Variants in ZBED6 observed in about 807,000 individuals in gnomAD.
ZBED6 encodes the protein zinc finger BED-type containing 6.
Under a neutral mutation model 58.4 loss-of-function variants are expected in ZBED6, and 40 were observed. That is an observed-to-expected ratio of 0.68 (90% confidence interval 0.53 to 0.89). The LOEUF is 0.89. ZBED6 is among the 40% of genes least tolerant of loss of function. The probability of loss-of-function intolerance (pLI) is 0.00; values close to 1 mark genes in which losing one functional copy is unlikely to be tolerated. For missense variants in ZBED6, 1,057 were observed against 1,003.9 expected, an observed-to-expected ratio of 1.05 and a Z score of -0.71; for synonymous variants, 439 against 350.6, an observed-to-expected ratio of 1.25 and a Z score of -2.82.
At chr1:203,831,607 G>C (rs2275325) in intron 7 of ZBED6, 54 bp from the exon 8 acceptor site, 414,726 of 1,503,540 alleles carry the variant, frequency 0.28, 58,617 homozygotes, top group Admixed American at 0.38. Flanking sequence ...TTTTGACTTG[G>C]GATAGCATTA....
intron 1 of ZBED6, among the ~76,000 whole-genome samples, chr1:203,808,555 A>G (rs1673147831): frequency 6.6e-6 from 1 of 152,002 alleles, no homozygotes; most frequent in Non-Finnish European, 1.5e-5. Flanking sequence ...CCTTTTTAGG[A>G]TTTCTATTTA....
chr1:203,829,391 T>G (rs1681548504), intron 4 of ZBED6, 60 bp from the exon 5 acceptor site: 1 of 1,574,258 alleles, frequency 6.4e-7, no homozygotes, highest in East Asian at 2.2e-5. Flanking sequence ...GGTCAGGAAT[T>G]TTTGGTAAGT....
intron 11 of ZBED6, 83 bp from the exon 12 acceptor site, chr1:203,847,101 T>C: frequency 6.8e-7 from 1 of 1,465,562 alleles, no homozygotes; most frequent in Non-Finnish European, 9.4e-7. Flanking sequence ...TGTTGGACTG[T>C]CTTGATCCAA....
At chr1:203,845,796 G>A (rs1421531357) in intron 11 of ZBED6, among the ~76,000 whole-genome samples, 1 of 152,080 alleles carries the variant, frequency 6.6e-6, no homozygotes, top group Non-Finnish European at 1.5e-5. Context: ...CCCAGGAGAT[G>A]TAGGTTGCGG....
chr1:203,795,809 T>G (rs1363774150), exon 1 of ZBED6: 1 of 152,096 alleles, frequency 6.6e-6, no homozygotes, highest in Admixed American at 6.5e-5. Flanking sequence ...CTAGACCCGT[T>G]TTTTTGATTC....
chr1:203,821,442 A>T (rs759639592), intron 3 of ZBED6, among the ~76,000 whole-genome samples: 2 of 151,926 alleles, frequency 1.3e-5, no homozygotes, highest in Non-Finnish European at 2.9e-5. Flanking sequence ...TTATGCTCCG[A>T]TTGACCCAGA....
At chr1:203,824,053 G>C (rs1447283656) in intron 3 of ZBED6, among the ~76,000 whole-genome samples, 1 of 152,016 alleles carries the variant, frequency 6.6e-6, no homozygotes, top group Non-Finnish European at 1.5e-5. Flanking sequence ...TGGATCACCT[G>C]AGGTCAGGAG....
intron 9 of ZBED6, among the ~76,000 whole-genome samples, chr1:203,837,623 T>C (rs1371190229): frequency 6.6e-6 from 1 of 152,022 alleles, no homozygotes; most frequent in Non-Finnish European, 1.5e-5. Flanking sequence ...CACAGGTGTG[T>C]GCCACCATGC....
exon 17 of ZBED6, chr1:203,853,288 T>C (rs1689635893): frequency 6.5e-6 from 1 of 152,680 alleles, no homozygotes; most frequent in African/African-American, 2.4e-5. Flanking sequence ...CCAGTATTTG[T>C]TTGGTGGCCT....
chr1:203,828,499 C>A, intron 4 of ZBED6, 77 bp downstream of exon 4: 1 of 1,497,564 alleles, frequency 6.7e-7, no homozygotes, highest in Non-Finnish European at 9.1e-7. Context: ...ACTTTTCAGA[C>A]ATTGACTCCT....
rs562291770 is a variant in ZBED6 at position 203,797,791 on chromosome 1, G to A, written c.269G>A (p.Gly90Glu). The stretch of plus-strand genomic sequence containing the variant: ...GCCAAAAAGTTTAGTAAGGATTTGG[G>A]ATCTGGGAGGCCTGTTGCAGATGCC... Residue 90 changes from glycine to glutamate, a missense_variant, in exon 1 of 17, where the codon GGA (glycine) becomes GAA (glutamate). Gly to Glu is a moderately conservative substitution (Grantham distance 98). Coordinates refer to ENST00000550078, the Ensembl canonical transcript of ZBED6. 2.8e-5 allele frequency: 43 copies of A among 1,536,020 alleles called. No individual in the cohort carries two copies. The African/African-American group carries it at 4.8e-4, about 17-fold the overall frequency.
rs571591961 is a variant in ZBED6, at chr1:203,823,011, A to G, written c.*2873+4322A>G. 3.9e-5 allele frequency among the ~76,000 whole-genome samples: 6 copies of G among 152,348 alleles called. No homozygotes were observed. In the South Asian group the frequency reaches 1.0e-3, roughly 26 times the overall value. On this transcript the variant is annotated intron_variant, in intron 3 of 16. Transcript: ENST00000550078. ...TACATTCTAAGCTACCTATCTTGCA[A>G]ATAGCAGCAGATATCAAATAAATTG...
At chr1:203,841,270 G>T (rs1326281623) in intron 11 of ZBED6, among the ~76,000 whole-genome samples, 6 of 151,958 alleles carry the variant, frequency 3.9e-5, no homozygotes, top group Non-Finnish European at 8.8e-5. Flanking sequence ...GTGAACAAGG[G>T]TCTGTGGTTT....
intron 3 of ZBED6, among the ~76,000 whole-genome samples, chr1:203,825,603 T>G (rs1680279959): frequency 1.3e-5 from 2 of 151,960 alleles, no homozygotes; most frequent in African/African-American, 4.8e-5. Flanking sequence ...CCCAGCTAAT[T>G]TTTGTATTTT....
rs1688785698 is a variant in ZBED6, at chr1:203,849,627, A to G, written c.*4323-84A>G. On this transcript the variant is annotated intron_variant, in intron 13 of 16. Transcript: ENST00000550078. Reference sequence around the variant, plus strand: ...TTCTGGATCATGTGAGATTCTGCTTAACTTAGATGTTAGCCTGGTACTTAC... The same window carrying G: ...TTCTGGATCATGTGAGATTCTGCTTGACTTAGATGTTAGCCTGGTACTTAC... 18 of 1,298,148 alleles carry G rather than the reference A, an allele frequency of 1.4e-5. No homozygotes were observed. In the South Asian group the frequency reaches 2.0e-4, roughly 15 times the overall value. The allele number at this position is 1,298,148 out of a possible 1,614,324, so 80.4% of individuals were successfully genotyped here.
chr1:203,843,855 G>A (rs1329908178), intron 11 of ZBED6, among the ~76,000 whole-genome samples: 4 of 151,664 alleles, frequency 2.6e-5, no homozygotes, highest in Admixed American at 2.0e-4. Context: ...TTCTCGGCCT[G>A]GGATTTCTTC....
chr1:203,816,420 T>C (rs1676393882), intron 1 of ZBED6, among the ~76,000 whole-genome samples: 1 of 152,060 alleles, frequency 6.6e-6, no homozygotes. Flanking sequence ...AGGCAGGAGT[T>C]CAAGACCAGA....
intron 7 of ZBED6, among the ~76,000 whole-genome samples, chr1:203,831,308 A>G (rs1439752429): frequency 6.6e-6 from 1 of 152,128 alleles, no homozygotes; most frequent in Non-Finnish European, 1.5e-5. Context: ...GTGTTTTCAG[A>G]TGATTAAATA....
At chr1:203,844,757 C>T (rs992232968) in intron 11 of ZBED6, among the ~76,000 whole-genome samples, 1 of 152,072 alleles carries the variant, frequency 6.6e-6, no homozygotes, top group Admixed American at 6.6e-5. Flanking sequence ...CATACAATTG[C>T]CACAGTAAGA....
Sources: gnomAD v4.1 joint callset for allele counts (sites outside exome capture counted in the v4.1 genomes callset) on GRCh38, gnomAD v4.1.1 for gene constraint, MANE v1.5 for transcripts, NCBI Gene and HGNC (gene_info 2026-07-23, HGNC 2026-07-21) for gene names.